TSPAN11: variants seen among roughly 807,000 people sequenced by gnomAD.
TSPAN11 encodes tetraspanin 11.
In TSPAN11, 29 loss-of-function variants were observed where a neutral mutation model predicts 32.9. The ratio of observed to expected loss-of-function variants is 0.88; its 90% CI spans 0.66 to 1.20. TSPAN11 has a LOEUF of 1.20. Ranked by LOEUF, TSPAN11 falls within the 50% of genes most tolerant of loss-of-function variation. The pLI is 0.00. For missense variants in TSPAN11, 283 were observed against 329.1 expected, an observed-to-expected ratio of 0.86 and a Z score of 1.08; for synonymous variants, 140 against 141.3, an observed-to-expected ratio of 0.99 and a Z score of 0.07.
chr12:30,986,227 C>A (rs1939198429), intron 7 of TSPAN11, among the ~76,000 whole-genome samples: 1 of 152,212 alleles, frequency 6.6e-6, no homozygotes, highest in Non-Finnish European at 1.5e-5. Flanking sequence ...GTTCCCCAGC[C>A]CCCAGCTACT....
At chr12:30,990,944 C>T (rs1056420117) in intron 7 of TSPAN11, among the ~76,000 whole-genome samples, 1 of 152,156 alleles carries the variant, frequency 6.6e-6, no homozygotes, top group Non-Finnish European at 1.5e-5. Flanking sequence ...ATCATAATCA[C>T]ATTACCCTCA....
At chr12:30,990,737 C>T (rs1016565155) in intron 7 of TSPAN11, among the ~76,000 whole-genome samples, 1 of 152,218 alleles carries the variant, frequency 6.6e-6, no homozygotes, top group Non-Finnish European at 1.5e-5. Context: ...CTGGATAGAG[C>T]TCCACCTGCA....
At chr12:30,937,431 G>C (rs182696837) in intron 1 of TSPAN11, among the ~76,000 whole-genome samples, 15 of 152,068 alleles carry the variant, frequency 9.9e-5, no homozygotes, top group African/African-American at 2.9e-4. Flanking sequence ...GCGTACTTTT[G>C]GGGGGGCGGC....
At chr12:30,970,219 T>C (rs1402284376) in intron 3 of TSPAN11, among the ~76,000 whole-genome samples, 1 of 152,194 alleles carries the variant, frequency 6.6e-6, no homozygotes, top group Non-Finnish European at 1.5e-5. Flanking sequence ...GTGCCGTGTC[T>C]CCCTGTTGGG....
Position 30,929,758 on chromosome 12 carries a change from C to A in TSPAN11, c.-12+2962C>A, listed in dbSNP as rs1937878984. Reference sequence around the variant, plus strand: ...ACCTGGCTATATTTACATGTGATGACCCTGATCTGTATTTACAGCAGCCAT... The same window carrying A: ...ACCTGGCTATATTTACATGTGATGAACCTGATCTGTATTTACAGCAGCCAT... On this transcript the variant is annotated intron_variant, in intron 1 of 7. Transcript: ENST00000546076. 1.3e-5 allele frequency among the ~76,000 whole-genome samples: 2 copies of A among 152,182 alleles called. 1 individual carries two copies. Among genetic ancestry groups the A allele is most frequent in the South Asian group, 4.1e-4 (2 of 4,824 alleles).
intron 1 of TSPAN11, among the ~76,000 whole-genome samples, chr12:30,929,818 A>C (rs1937880727): frequency 1.3e-5 from 2 of 152,194 alleles, no homozygotes; most frequent in African/African-American, 4.8e-5. Flanking sequence ...CTCCACGTAA[A>C]ATAGTCTCTT....
Position 30,994,214 on chromosome 12 carries a change from T to C in TSPAN11, c.*2299T>C, listed in dbSNP as rs1266602090. 1 of 152,352 alleles carries C rather than the reference T, an allele frequency of 6.6e-6. No individual in the cohort carries two copies. Among genetic ancestry groups the C allele is most frequent in the Non-Finnish European group, 1.5e-5 (1 of 68,154 alleles). The allele number at this position is 152,352 out of a possible 1,614,324, so 9.4% of individuals were successfully genotyped here. On this transcript the variant is annotated 3_prime_UTR_variant, in exon 8 of 8. Transcript: ENST00000546076. ...GTTCTGCCTGGGAGTGTACAATGGT[T>C]GGAGTCCAGAGCCAACGATGTGGTC...
intron 1 of TSPAN11, among the ~76,000 whole-genome samples, chr12:30,941,138 G>A (rs551138501): frequency 2.0e-5 from 3 of 152,316 alleles, no homozygotes; most frequent in Admixed American, 2.0e-4. Context: ...CCACCTATAC[G>A]TGCATATTTT....
chr12:30,973,070 C>T (rs1256078520), intron 3 of TSPAN11, among the ~76,000 whole-genome samples: 1 of 152,160 alleles, frequency 6.6e-6, no homozygotes, highest in Non-Finnish European at 1.5e-5. Flanking sequence ...CCTAAGTGAG[C>T]CCAGTGAGCT....
chr12:30,974,643 C>T (rs1938922946), intron 3 of TSPAN11, among the ~76,000 whole-genome samples: 1 of 152,218 alleles, frequency 6.6e-6, no homozygotes, highest in Non-Finnish European at 1.5e-5. Flanking sequence ...CAGCACCATA[C>T]CAGGCACTGT....
At chr12:31,005,811 T>G in the TSPAN11 span, 1 of 198,350 alleles carries the variant, frequency 5.0e-6, no homozygotes, top group Non-Finnish European at 1.1e-5. Flanking sequence ...CCAGTGGATG[T>G]GCTGGGTGAT....
chr12:30,960,486 A>C (rs762889657), intron 2 of TSPAN11, among the ~76,000 whole-genome samples: 25 of 151,924 alleles, frequency 1.6e-4, no homozygotes, highest in Non-Finnish European at 3.4e-4. Flanking sequence ...ACAAAGAAAA[A>C]CGCCTACATT....
chr12:30,981,301 G>A (rs1939087161), intron 5 of TSPAN11, among the ~76,000 whole-genome samples: 1 of 152,220 alleles, frequency 6.6e-6, no homozygotes, highest in Admixed American at 6.5e-5. Context: ...GTAAATGACA[G>A]AGACACACAA....
intron 3 of TSPAN11, among the ~76,000 whole-genome samples, chr12:30,967,416 G>C (rs938839359): frequency 6.6e-6 from 1 of 152,254 alleles, no homozygotes; most frequent in Non-Finnish European, 1.5e-5. Context: ...GCACTTCGGG[G>C]AGTCAACAGG....
At chr12:30,935,746 C>T (rs1295885977) in intron 1 of TSPAN11, among the ~76,000 whole-genome samples, 1 of 152,158 alleles carries the variant, frequency 6.6e-6, no homozygotes, top group African/African-American at 2.4e-5. Context: ...CAGTGATTTT[C>T]CTGCATGGGC....
chr12:31,002,560 A>G, the TSPAN11 span, among the ~76,000 whole-genome samples: 1 of 152,116 alleles, frequency 6.6e-6, no homozygotes, highest in Non-Finnish European at 1.5e-5. This position sits in a 1 kb window ranked among gnomAD's most constrained non-coding sequence, Gnocchi z 4.8. Context: ...CCGCCTCCTC[A>G]GAGTGCCCGT....
At chr12:30,986,157 G>C (rs1402128802) in intron 7 of TSPAN11, among the ~76,000 whole-genome samples, 3 of 152,190 alleles carry the variant, frequency 2.0e-5, no homozygotes, top group Non-Finnish European at 4.4e-5. Context: ...TACATACCCA[G>C]CCTGGCACTT....
chr12:30,988,011 G>A (rs1939233688), intron 7 of TSPAN11, among the ~76,000 whole-genome samples: 1 of 152,236 alleles, frequency 6.6e-6, no homozygotes, highest in South Asian at 2.1e-4. Flanking sequence ...CAGAGGCTGG[G>A]GGCCGGCAGG....
At chr12:31,000,693 G>A (rs1267574467), downstream of TSPAN11, among the ~76,000 whole-genome samples, 3 of 152,186 alleles carry the variant, frequency 2.0e-5, no homozygotes, top group Non-Finnish European at 4.4e-5. Context: ...GGTGGTGACG[G>A]CTGATAAGAT....
Sources: gnomAD v4.1 joint callset for allele counts (sites outside exome capture counted in the v4.1 genomes callset) on GRCh38, gnomAD v4.1.1 for gene constraint, Gnocchi (gnomAD v3.1) non-coding constraint, MANE v1.5 for transcripts, NCBI Gene and HGNC (gene_info 2026-07-23, HGNC 2026-07-21) for gene names.